MVP: variants seen among roughly 807,000 people sequenced by gnomAD.
MVP encodes lung resistance-related protein.
MVP carries 62 observed loss-of-function variants against 83.5 expected under a neutral mutation model. The observed-to-expected ratio is 0.74, with a 90% CI of 0.61 to 0.92. The LOEUF is 0.92. Among genes scored for constraint, MVP ranks in the 40% least tolerant of loss-of-function variants. The pLI, the probability that MVP is intolerant of heterozygous loss-of-function variation, is 0.00. For missense variants in MVP, 1,000 were observed against 1,203.4 expected, an observed-to-expected ratio of 0.83 and a Z score of 2.50; for synonymous variants, 505 against 504.1, an observed-to-expected ratio of 1.00 and a Z score of -0.02.
At chr16:29,830,830 G>A (rs779060734) in intron 2 of MVP, 48 bp from the exon 3 acceptor site, 2 of 1,589,728 alleles carry the variant, frequency 1.3e-6, no homozygotes, top group Non-Finnish European at 1.7e-6. Context: ...CTCTTTGGTA[G>A]TGGAGACCTG....
chr16:29,847,810 G>A lies in MVP; in HGVS notation c.2503G>A (p.Gly835Ser). 6.2e-7 allele frequency: 1 copy of A among 1,614,204 alleles called. No homozygotes were observed. The highest frequency in any genetic ancestry group is 8.5e-7 in the Non-Finnish European group (1 of 1,180,028). ...LGLKSTLITD[G>S]STPINLFNTA... The stretch of plus-strand genomic sequence containing the variant: ...CCTGAAATCAACCCTCATCACCGAT[G>A]GCTCCACTCCCATCAACCTCTTCAA... Residue 835 changes from glycine to serine, a missense_variant, in exon 15 of 15, where the codon GGC (glycine) becomes AGC (serine). Gly to Ser is a moderately conservative substitution (Grantham distance 56, BLOSUM62 0). Coordinates refer to ENST00000357402, the MANE Select transcript of MVP (RefSeq NM_005115.5).
chr16:29,837,034 C>A, intron 7 of MVP, 76 bp downstream of exon 7: 1 of 1,364,170 alleles, frequency 7.3e-7, no homozygotes, highest in South Asian at 1.4e-5. Context: ...CCTCTGCCTT[C>A]TCTCCTCCAG....
chr16:29,845,860 C>T lies in MVP; in HGVS notation c.2022-3C>T. 1 of 1,613,678 alleles carries T rather than the reference C, an allele frequency of 6.2e-7. No individual in the cohort carries two copies. Among genetic ancestry groups the T allele is most frequent in the African/African-American group, 1.3e-5 (1 of 75,042 alleles). The stretch of plus-strand genomic sequence containing the variant: ...CCTCTCACCTGCGCTCCGTCTCCTC[C>T]AGGCATGAGGCTCAGAGACTGGAGC... On this transcript the variant is annotated splice_polypyrimidine_tract_variant and splice_region_variant and intron_variant, in intron 11 of 14. Transcript: ENST00000357402.
At chr16:29,831,303 G>C (rs534526675) in intron 3 of MVP, among the ~76,000 whole-genome samples, 1 of 152,198 alleles carries the variant, frequency 6.6e-6, no homozygotes, top group African/African-American at 2.4e-5. Flanking sequence ...ACAGGCACCC[G>C]CCACCACGCC....
chr16:29,834,374 C>G (rs1029669025), intron 5 of MVP: 3 of 366,294 alleles, frequency 8.2e-6, no homozygotes, highest in African/African-American at 2.1e-5. Flanking sequence ...TGTTCAAATA[C>G]AATTGACAAA....
chr16:29,823,842 GAAAA>G (rs78354677), intron 1 of MVP, among the ~76,000 whole-genome samples: 8 of 109,706 alleles, frequency 7.3e-5, no homozygotes, highest in Admixed American at 6.8e-4. Flanking sequence ...ACTCGTCTCA[GAAAA>G]AAAAAAAAAA....
At position 29,842,107 on chromosome 16, in the gene MVP, C is replaced by G; in HGVS notation, c.1629C>G (p.Tyr543Ter). 1 of 1,599,768 alleles carries G rather than the reference C, an allele frequency of 6.3e-7. No homozygotes were observed. The highest frequency in any genetic ancestry group is 1.3e-5 in the African/African-American group (1 of 74,956). Reference sequence around the variant, plus strand: ...CCAGGCTGCAACTGCAGCTGGCCTACAACTGGTAAAAATGGGGACAGGGCA... The same window carrying G: ...CCAGGCTGCAACTGCAGCTGGCCTAGAACTGGTAAAAATGGGGACAGGGCA... ...DHARLQLQLA[Y>*]NWHFEVNDRK... is the part of the protein sequence containing the mutation. Residue 543 changes from tyrosine (Y) to a stop codon, truncating the protein, a stop_gained, in exon 10 of 15, where the codon TAC (tyrosine) becomes TAG (stop). Transcript: ENST00000357402. LOFTEE classifies it high-confidence loss of function.
chr16:29,833,966 C>T lies in MVP; in HGVS notation c.477C>T (p.Val159=), dbSNP rs1325864244. Residue 159 remains valine, a synonymous_variant, in exon 5 of 15, where the codon GTC becomes GTT. Transcript: ENST00000357402. ...GTYIPRKEVE[V]VEIIQATIIR... ...ACATCCCCCGGAAGGAAGTGGAGGT[C>T]GTGGAGATCATTCAGGCCACCATCA... 8 of 1,613,936 alleles carry T rather than the reference C, an allele frequency of 5.0e-6. No individual in the cohort carries two copies. Among genetic ancestry groups the T allele is most frequent in the East Asian group, 4.5e-5 (2 of 44,892 alleles).
At chr16:29,828,128 T>C (rs9921783) in intron 1 of MVP, among the ~76,000 whole-genome samples, 24,452 of 151,234 alleles carry the variant, frequency 0.16, 2,176 homozygotes, top group African/African-American at 0.24. Flanking sequence ...GCCCAGCTAA[T>C]TTTTGTATTT....
intron 1 of MVP, among the ~76,000 whole-genome samples, chr16:29,828,339 CATT>C (rs1555504120): frequency 6.6e-6 from 1 of 152,112 alleles, no homozygotes; most frequent in Non-Finnish European, 1.5e-5. Flanking sequence ...ATATTCTCAT[CATT>C]GTAGAAAGCT....
chr16:29,833,909 T>A, intron 4 of MVP, 26 bp from the exon 5 acceptor site: 2 of 1,614,090 alleles, frequency 1.2e-6, no homozygotes, highest in Non-Finnish European at 1.7e-6. Context: ...CCCTGATACC[T>A]TCTGACCATC....
chr16:29,831,836 C>T lies in MVP; in HGVS notation c.321+763C>T, dbSNP rs1261858537. On this transcript the variant is annotated intron_variant, in intron 3 of 14. Transcript: ENST00000357402. ...GAACCTACAGCCAGGCTCTTGTCCC[C>T]GTTGGCCTCAGGCCTGGGCCTGAGC... The T allele has an allele frequency of 2.9e-5, 12 of 412,776 alleles. 1 individual carries two copies. The highest frequency in any genetic ancestry group is 7.2e-5 in the East Asian group (1 of 13,900). The allele number at this position is 412,776 out of a possible 1,614,324, so 25.6% of individuals were successfully genotyped here. A position where few individuals can be genotyped will look rare whatever the true frequency, so the allele number is the denominator to read the frequency against.
chr16:29,846,279 G>T lies in MVP; in HGVS notation c.2260G>T (p.Glu754Ter). 6.4e-7 allele frequency: 1 copy of T among 1,561,602 alleles called. No individual in the cohort carries two copies. Among genetic ancestry groups the T allele is most frequent in the Non-Finnish European group, 8.7e-7 (1 of 1,152,446 alleles). Residue 754 changes from glutamate to a stop codon, truncating the protein, a stop_gained, in exon 13 of 15, where the codon GAA becomes TAA. Coordinates refer to ENST00000357402, the MANE Select transcript of MVP (RefSeq NM_005115.5). LOFTEE classifies it high-confidence loss of function. ...GCTAAAAGCACAGGCCTTGGCCATTGAAACGGTGAGTGGGGGGAGGCATTA... is the reference window on the plus strand; with the variant it reads ...GCTAAAAGCACAGGCCTTGGCCATTTAAACGGTGAGTGGGGGGAGGCATTA... ...AKLKAQALAI[E>*]TEAELQRVQK...
chr16:29,844,012 C>T (rs1244881486), intron 10 of MVP, among the ~76,000 whole-genome samples: 1 of 152,218 alleles, frequency 6.6e-6, no homozygotes, highest in Non-Finnish European at 1.5e-5. Context: ...CGACATATTC[C>T]CAGGCACTAC....
intron 5 of MVP, chr16:29,834,931 A>G (rs1047586588): frequency 3.2e-5 from 4 of 124,434 alleles, no homozygotes; most frequent in African/African-American, 1.3e-4. Flanking sequence ...GGTGGTCTTG[A>G]TCTCCTGACC....
At chr16:29,838,053 T>C (rs2067502781) in intron 7 of MVP, among the ~76,000 whole-genome samples, 1 of 152,132 alleles carries the variant, frequency 6.6e-6, no homozygotes, top group Non-Finnish European at 1.5e-5. Flanking sequence ...TCTGCTGTTA[T>C]GTCAGGAAAG....
At chr16:29,830,421 G>A in intron 1 of MVP, 94 bp from the exon 2 acceptor site, 1 of 1,083,470 alleles carries the variant, frequency 9.2e-7, no homozygotes, top group Non-Finnish European at 1.4e-6. Context: ...GGAGGAGGTA[G>A]GGCCGTATCC....
chr16:29,826,438 C>T (rs1258425802), intron 1 of MVP, among the ~76,000 whole-genome samples: 1 of 151,964 alleles, frequency 6.6e-6, no homozygotes, highest in Non-Finnish European at 1.5e-5. Flanking sequence ...TTGAGACCAG[C>T]CTGGACAACA....
At chr16:29,847,673 C>G in intron 14 of MVP, 89 bp from the exon 15 acceptor site, 2 of 1,312,522 alleles carry the variant, frequency 1.5e-6, no homozygotes, top group Non-Finnish European at 1.1e-6. Context: ...GGGGAGGTGA[C>G]CCTTCAAACC....
Sources: gnomAD v4.1 joint callset for allele counts (sites outside exome capture counted in the v4.1 genomes callset) on GRCh38, gnomAD v4.1.1 for gene constraint, MANE v1.5 for transcripts, NCBI Gene and HGNC (gene_info 2026-07-23, HGNC 2026-07-21) for gene names.